The following SVEP1 variants were observed in gnomAD, a reference collection of about 807,000 sequenced individuals.
SVEP1 encodes sushi, von Willebrand factor type A, EGF and pentraxin domain containing 1.
Under a neutral mutation model 367.3 loss-of-function variants are expected in SVEP1, and 164 were observed. That is an observed-to-expected ratio of 0.45 (90% confidence interval 0.39 to 0.51). The LOEUF is 0.51. SVEP1 is among the 20% of genes least tolerant of loss of function. The pLI, the probability that SVEP1 is intolerant of heterozygous loss-of-function variation, is 0.00. For synonymous variants in SVEP1, 1,666 were observed against 1,611.6 expected, an observed-to-expected ratio of 1.03 and a Z score of -0.81; for missense variants, 4,117 against 4,425.3, an observed-to-expected ratio of 0.93 and a Z score of 1.98.
rs1414516046 is a variant in SVEP1 at position 110,578,998 on chromosome 9, G to A, written c.531+15C>T. On this transcript the variant is annotated intron_variant, in intron 1 of 47. Transcript: ENST00000374469. ...CGGGGACTAGGGCCCGGGTCGGGAG[G>A]GGCGGGCGCCTTACCGCGGCTTGCT... is the stretch of plus-strand genomic sequence containing the variant. 6.6e-7 allele frequency: 1 copy of A among 1,524,628 alleles called. No individual in the cohort carries two copies. The highest frequency in any genetic ancestry group is 8.8e-7 in the Non-Finnish European group (1 of 1,137,200). 94.4% of individuals were successfully genotyped at this position (1,524,628 alleles called of 1,614,324 possible).
chr9:110,462,328 G>T (rs1828870017), intron 18 of SVEP1, among the ~76,000 whole-genome samples: 1 of 151,902 alleles, frequency 6.6e-6, no homozygotes, highest in Non-Finnish European at 1.5e-5. Context: ...ATACTTTTTA[G>T]CATAGAAAAT....
chr9:110,448,859 A>G (rs1828647136), intron 24 of SVEP1, among the ~76,000 whole-genome samples: 1 of 152,232 alleles, frequency 6.6e-6, no homozygotes, highest in Non-Finnish European at 1.5e-5. Context: ...ATTGTAGGTG[A>G]AAGTCTCATT....
At position 110,434,397 on chromosome 9, in the gene SVEP1, C is replaced by G. The variant is rs763855303; in HGVS notation, c.4998G>C (p.Gly1666=). The change falls in exon 30 of 48, where the codon GGG becomes GGC. Residue 1666 remains glycine, a synonymous_variant. Transcript: ENST00000374469. ...GATTCAGACAGTACTGCACAGGGTTCCCGACCAGCTGGAAGCCTGGATCAC... is the reference window on the plus strand; with the variant it reads ...GATTCAGACAGTACTGCACAGGGTTGCCGACCAGCTGGAAGCCTGGATCAC... The part of the protein sequence containing the change: ...LFCDPGFQLV[G]NPVQYCLNQG... 3.1e-6 allele frequency: 5 copies of G among 1,613,252 alleles called. No individual in the cohort carries two copies. Among genetic ancestry groups the G allele is most frequent in the Non-Finnish European group, 3.4e-6 (4 of 1,179,646 alleles).
At chr9:110,397,621 A>G (rs1021222436) in intron 40 of SVEP1, among the ~76,000 whole-genome samples, 42 of 146,014 alleles carry the variant, frequency 2.9e-4, no homozygotes, top group African/African-American at 1.1e-3. Context: ...AAATCTCCTT[A>G]AGTGGATAAG....
At chr9:110,478,979 C>A (rs1004170158) in intron 13 of SVEP1, among the ~76,000 whole-genome samples, 10 of 151,434 alleles carry the variant, frequency 6.6e-5, no homozygotes, top group Non-Finnish European at 8.8e-5. Flanking sequence ...GAGTGCATGG[C>A]GCGATCTGGT....
chr9:110,423,226 G>C (rs1335137677), intron 36 of SVEP1, among the ~76,000 whole-genome samples: 1 of 141,194 alleles, frequency 7.1e-6, no homozygotes, highest in Middle Eastern at 3.6e-3. Context: ...TGTATATTCA[G>C]CTAAACTACA....
At chr9:110,542,747 C>G (rs562246768) in intron 3 of SVEP1, among the ~76,000 whole-genome samples, 1 of 141,436 alleles carries the variant, frequency 7.1e-6, no homozygotes, top group Non-Finnish European at 1.5e-5. Flanking sequence ...ATTTATTTAC[C>G]AAATGGATTT....
chr9:110,437,178 A>G (rs892165989), intron 27 of SVEP1, among the ~76,000 whole-genome samples: 1 of 152,192 alleles, frequency 6.6e-6, no homozygotes, highest in African/African-American at 2.4e-5. Flanking sequence ...ATGAAGAGCC[A>G]GCATGAGATA....
At chr9:110,570,469 T>A (rs1411045280) in intron 1 of SVEP1, among the ~76,000 whole-genome samples, 1 of 109,290 alleles carries the variant, frequency 9.1e-6, no homozygotes, top group Non-Finnish European at 1.9e-5. Flanking sequence ...TTCTGTTGCG[T>A]GTGTGTGTGT....
intron 47 of SVEP1, among the ~76,000 whole-genome samples, chr9:110,367,522 G>A (rs1031459952): frequency 3.9e-5 from 6 of 152,034 alleles, no homozygotes; most frequent in African/African-American, 7.2e-5. Context: ...AAACTTATAC[G>A]GTAACATTTA....
chr9:110,427,391 T>C (rs916907429), intron 36 of SVEP1, among the ~76,000 whole-genome samples, 200 bp downstream of exon 36: 4 of 151,886 alleles, frequency 2.6e-5, no homozygotes, highest in African/African-American at 7.3e-5. Context: ...TAATTTGATA[T>C]ACTACTCAAA....
At position 110,550,011 on chromosome 9, in the gene SVEP1, C is replaced by T; in HGVS notation, c.625G>A (p.Ala209Thr). 5.6e-6 allele frequency: 9 copies of T among 1,613,854 alleles called. No individual in the cohort carries two copies. The highest frequency in any genetic ancestry group is 7.6e-6 in the Non-Finnish European group (9 of 1,179,840). Residue 209 changes from alanine to threonine, a missense_variant, in exon 2 of 48, where the codon GCG (alanine) becomes ACG (threonine). Transcript: ENST00000374469. ...SNGGDPRPIA[A>T]SLRDSGVEIF... The stretch of plus-strand genomic sequence containing the variant: ...TCCACTCCTGAATCTCGCAGTGACG[C>T]TGCAATTGGTCTAGGGTCTCCCCCA...
At chr9:110,542,974 ATAT>A (rs1184935074) in intron 3 of SVEP1, among the ~76,000 whole-genome samples, 199 of 139,982 alleles carry the variant, frequency 1.4e-3, no homozygotes, top group African/African-American at 5.0e-3. Context: ...TTAAAAAAAA[ATAT>A]ATATATATAT....
At position 110,414,294 on chromosome 9, in the gene SVEP1, A is replaced by G. The variant is rs188958598; in HGVS notation, c.5976-2559T>C. Among the ~76,000 whole-genome samples the G allele has an allele frequency of 1.1e-4, 16 of 152,168 alleles. No individual in the cohort carries two copies. In the East Asian group the frequency reaches 2.1e-3, roughly 20 times the overall value. ...CATCCTAACTGACAATATTTATGAA[A>G]TCTATAAGAGACAGAGAAATCAGGA... is the stretch of plus-strand genomic sequence containing the variant. On this transcript the variant is annotated intron_variant, in intron 36 of 47. Coordinates refer to ENST00000374469, the MANE Select transcript of SVEP1 (RefSeq NM_153366.4).
chr9:110,459,701 AT>A (rs1211880762), intron 18 of SVEP1, among the ~76,000 whole-genome samples: 7 of 152,166 alleles, frequency 4.6e-5, no homozygotes, highest in Non-Finnish European at 8.8e-5. Context: ...CATTAAAAAA[AT>A]AAGTAGTTCC....
chr9:110,534,161 G>C (rs1206783899), intron 3 of SVEP1, among the ~76,000 whole-genome samples: 3 of 151,956 alleles, frequency 2.0e-5, no homozygotes, highest in Admixed American at 2.0e-4. Flanking sequence ...TATTTTTTCT[G>C]ATCCTCTCAT....
chr9:110,463,425 T>C (rs1401614436), intron 18 of SVEP1, among the ~76,000 whole-genome samples: 1 of 152,088 alleles, frequency 6.6e-6, no homozygotes, highest in African/African-American at 2.4e-5. Flanking sequence ...GATTGCTATC[T>C]TGAATAATAA....
At chr9:110,448,434 G>A (rs764957098) in intron 24 of SVEP1, among the ~76,000 whole-genome samples, 2 of 152,202 alleles carry the variant, frequency 1.3e-5, no homozygotes, top group African/African-American at 2.4e-5. Context: ...TGACCTAACA[G>A]TGTCTAATAG....
chr9:110,570,224 A>C (rs1830538997), intron 1 of SVEP1, among the ~76,000 whole-genome samples: 2 of 152,190 alleles, frequency 1.3e-5, no homozygotes, highest in Admixed American at 1.3e-4. Flanking sequence ...ACAATACATA[A>C]CAGGAAATTC....
Sources: allele counts gnomAD v4.1 joint callset (sites outside exome capture counted in the v4.1 genomes callset), GRCh38; gene constraint gnomAD v4.1.1; transcripts MANE v1.5; gene names NCBI Gene and HGNC (gene_info 2026-07-23, HGNC 2026-07-21).